The following GALNTL6 variants were observed in gnomAD, a reference collection of about 807,000 sequenced individuals.
GALNTL6 encodes the protein polypeptide N-acetylgalactosaminyltransferase like 6.
In GALNTL6, 46 loss-of-function variants were observed where a neutral mutation model predicts 73.7. The observed-to-expected ratio is 0.62, with a 90% confidence interval of 0.49 to 0.80. The LOEUF is 0.80. GALNTL6 is among the 30% of genes least tolerant of loss of function. The pLI is 0.00. For synonymous variants in GALNTL6, 259 were observed against 263.7 expected (o/e 0.98, Z 0.17); for missense variants, 604 against 755.0 (o/e 0.80, Z 2.34).
At chr4:172,817,071 G>A (rs1741643548) in intron 7 of GALNTL6, among the ~76,000 whole-genome samples, 1 of 146,612 alleles carries the variant, frequency 6.8e-6, no homozygotes, top group East Asian at 2.0e-4. Context: ...TTGCACCACT[G>A]TACTTCAGCC....
chr4:172,162,223 T>C (rs531221292), intron 2 of GALNTL6, among the ~76,000 whole-genome samples: 1 of 151,780 alleles, frequency 6.6e-6, no homozygotes, highest in Non-Finnish European at 1.5e-5. Context: ...ACTCTGGGTA[T>C]GGAAGGAAGG....
At chr4:172,963,832 G>A (rs1332664174) in intron 10 of GALNTL6, among the ~76,000 whole-genome samples, 2 of 152,236 alleles carry the variant, frequency 1.3e-5, no homozygotes, top group Non-Finnish European at 2.9e-5. Context: ...ATTCCGTTCT[G>A]ACATCCTATG....
At chr4:172,606,553 A>ATATATATATACACATATACATAGTATATG (rs1738277035) in intron 5 of GALNTL6, among the ~76,000 whole-genome samples, 1 of 128,672 alleles carries the variant, frequency 7.8e-6, no homozygotes, top group African/African-American at 2.8e-5. Context: ...GGAAGTGTAT[A>ATATATATATACACATATACATAGTATATG]TATATATATA....
chr4:173,022,090 AGAAG>A (rs766332283), intron 12 of GALNTL6, among the ~76,000 whole-genome samples: 107 of 66,178 alleles, frequency 1.6e-3, no homozygotes, highest in South Asian at 1.8e-3. Context: ...AAGGAAGGAA[AGAAG>A]GAAGGAAGGA....
At chr4:173,022,331 C>T (rs1430288975) in intron 12 of GALNTL6, among the ~76,000 whole-genome samples, 2 of 152,202 alleles carry the variant, frequency 1.3e-5, no homozygotes, top group Admixed American at 1.3e-4. Flanking sequence ...AAGGGGCAAG[C>T]TTTTGGCTTC....
intron 3 of GALNTL6, among the ~76,000 whole-genome samples, chr4:172,265,850 G>C (rs1051267194): frequency 7.2e-5 from 11 of 151,864 alleles, no homozygotes; most frequent in Non-Finnish European, 1.3e-4. Flanking sequence ...GAGGATATTA[G>C]AGTATATTGG....
At chr4:171,955,513 A>G (rs693756) in intron 2 of GALNTL6, among the ~76,000 whole-genome samples, 72,166 of 151,694 alleles carry the variant, frequency 0.48, 17,652 homozygotes, top group Middle Eastern at 0.6. Flanking sequence ...AATAAAAGGT[A>G]TATTGTTTGC....
intron 5 of GALNTL6, among the ~76,000 whole-genome samples, chr4:172,746,301 A>G (rs1276732451): frequency 8.6e-6 from 1 of 116,826 alleles, no homozygotes; most frequent in African/African-American, 4.0e-5. Context: ...TGCCTGGTGT[A>G]TAGTAGTTGT....
chr4:172,101,588 C>T (rs1180600889), intron 2 of GALNTL6, among the ~76,000 whole-genome samples: 1 of 152,146 alleles, frequency 6.6e-6, no homozygotes, highest in African/African-American at 2.4e-5. Flanking sequence ...TAAAAATCTG[C>T]AGTTCATAAA....
intron 5 of GALNTL6, among the ~76,000 whole-genome samples, chr4:172,589,585 G>A (rs373661364): frequency 1.6e-4 from 25 of 152,292 alleles, no homozygotes; most frequent in African/African-American, 5.8e-4. Flanking sequence ...TTTACCTCCC[G>A]AAAGGAACAA....
intron 8 of GALNTL6, among the ~76,000 whole-genome samples, chr4:172,888,825 G>A (rs1483976514): frequency 2.6e-5 from 4 of 152,076 alleles, no homozygotes; most frequent in South Asian, 2.1e-4. Flanking sequence ...CAGAAATAGC[G>A]TTGAATCTAT....
intron 8 of GALNTL6, among the ~76,000 whole-genome samples, chr4:172,906,442 G>A (rs545823367): frequency 2.6e-5 from 4 of 152,292 alleles, no homozygotes; most frequent in Admixed American, 2.6e-4. Context: ...TTCTATTGAT[G>A]TATAACAAAT....
intron 8 of GALNTL6, among the ~76,000 whole-genome samples, chr4:172,893,809 C>G (rs1027840374): frequency 6.6e-6 from 1 of 152,202 alleles, no homozygotes; most frequent in Non-Finnish European, 1.5e-5. Context: ...CAGGTTTGAG[C>G]TCTTCCTCTG....
intron 7 of GALNTL6, among the ~76,000 whole-genome samples, chr4:172,880,243 G>A (rs188468162): frequency 6.8e-4 from 104 of 152,034 alleles, no homozygotes; most frequent in African/African-American, 2.1e-3. Context: ...CCCAAACTGC[G>A]AACAACCCAA....
At chr4:172,264,240 T>G (rs1401725266) in intron 3 of GALNTL6, among the ~76,000 whole-genome samples, 1 of 151,294 alleles carries the variant, frequency 6.6e-6, no homozygotes, top group Non-Finnish European at 1.5e-5. Flanking sequence ...TTCTCAGAAA[T>G]GTTCACTCTA....
intron 2 of GALNTL6, among the ~76,000 whole-genome samples, chr4:171,891,530 AG>A (rs1736763112): frequency 6.6e-6 from 1 of 152,256 alleles, no homozygotes; most frequent in Admixed American, 6.5e-5. Context: ...TCTCAATGTT[AG>A]TCCTGTTTAA....
chr4:173,028,471 CCT>C (rs1310877602), intron 12 of GALNTL6, among the ~76,000 whole-genome samples: 5 of 152,146 alleles, frequency 3.3e-5, no homozygotes, highest in Non-Finnish European at 7.4e-5. Flanking sequence ...GGAATTTCCC[CCT>C]CTTTCTGTAC....
intron 3 of GALNTL6, among the ~76,000 whole-genome samples, chr4:172,270,171 CTG>C (rs758294136): frequency 1.5e-4 from 22 of 150,112 alleles, no homozygotes; most frequent in African/African-American, 3.2e-4. Flanking sequence ...TCTCTGTCCA[CTG>C]TGTGTGTGTG....
chr4:172,182,528 TTAAA>T, intron 2 of GALNTL6, among the ~76,000 whole-genome samples: 1 of 143,328 alleles, frequency 7.0e-6, no homozygotes, highest in South Asian at 2.2e-4. Context: ...AATACATAAT[TTAAA>T]TAATTCCCAA....
Sources: gnomAD v4.1 joint callset for allele counts (sites outside exome capture counted in the v4.1 genomes callset) on GRCh38, gnomAD v4.1.1 for gene constraint, MANE v1.5 for transcripts, NCBI Gene and HGNC (gene_info 2026-07-23, HGNC 2026-07-21) for gene names.